PMM2: variants seen among roughly 807,000 people sequenced by gnomAD.
PMM2 encodes the protein phosphomannomutase 2, also known as mannose-6-phosphate isomerase.
PMM2 carries 35 observed loss-of-function variants against 33.2 expected under a neutral mutation model. The ratio of observed to expected loss-of-function variants is 1.06; its 90% CI spans 0.81 to 1.40. The LOEUF (loss-of-function observed/expected upper bound fraction) is 1.40. Among genes scored for constraint, PMM2 ranks in the 40% most tolerant of loss-of-function variants. PMM2 has a pLI of 0.00. For missense variants in PMM2, 386 were observed against 306.0 expected, an observed-to-expected ratio of 1.26 and a Z score of -1.95; for synonymous variants, 153 against 114.7, an observed-to-expected ratio of 1.33 and a Z score of -2.13.
chr16:8,810,879 T>C, intron 4 of PMM2, 200 bp from the exon 5 acceptor site: 1 of 605,702 alleles, frequency 1.7e-6, no homozygotes, highest in Non-Finnish European at 2.9e-6. Context: ...TCAAATCTAA[T>C]CTCAATTCAT....
At chr16:8,819,451 G>A (rs1529915) in intron 7 of PMM2, among the ~76,000 whole-genome samples, 60,767 of 152,034 alleles carry the variant, frequency 0.4, 12,476 homozygotes, top group Non-Finnish European at 0.46. Context: ...GGGGAGGACA[G>A]GAGAGAGAAT....
intron 7 of PMM2, among the ~76,000 whole-genome samples, chr16:8,826,487 C>A (rs181053360): frequency 6.6e-6 from 1 of 152,156 alleles, no homozygotes; most frequent in African/African-American, 2.4e-5. Context: ...TGAACAATTA[C>A]AAAAGTCACA....
At chr16:8,799,728 A>G (rs1341626308) in intron 1 of PMM2, among the ~76,000 whole-genome samples, 1 of 152,064 alleles carries the variant, frequency 6.6e-6, no homozygotes, top group African/African-American at 2.4e-5. Context: ...TTGTATTTTT[A>G]GTAGAGATGG....
chr16:8,820,129 G>A (rs929659071), intron 7 of PMM2, among the ~76,000 whole-genome samples: 17 of 152,162 alleles, frequency 1.1e-4, no homozygotes, highest in East Asian at 3.9e-4. Flanking sequence ...CCCGGGAGGC[G>A]GAGGTTGCAG....
At position 8,848,055 on chromosome 16, in the gene PMM2, C is replaced by G. The variant is rs781738334; in HGVS notation, c.*230C>G. The G allele has an allele frequency of 7.3e-6, 4 of 544,618 alleles. No homozygotes were observed. The highest frequency in any genetic ancestry group is 3.8e-5 in the African/African-American group (2 of 52,816). 33.7% of individuals were successfully genotyped at this position (544,618 alleles called of 1,614,324 possible). ...CAGAGGAATGCCTCGCACAAAAGGT[C>G]TTCCCCACCCACCCCCAGCCCCCTA... On this transcript the variant is annotated 3_prime_UTR_variant, in exon 8 of 8. Transcript: ENST00000268261.
chr16:8,814,762 C>T (rs572156870), intron 7 of PMM2, among the ~76,000 whole-genome samples: 3 of 152,300 alleles, frequency 2.0e-5, no homozygotes, highest in Non-Finnish European at 2.9e-5. Flanking sequence ...CTCACAGTTT[C>T]GTGAGTTTAA....
chr16:8,803,328 C>A (rs188738080), intron 2 of PMM2, among the ~76,000 whole-genome samples: 2 of 152,286 alleles, frequency 1.3e-5, no homozygotes, highest in East Asian at 3.9e-4. Flanking sequence ...CTGGGGATCA[C>A]GAAGCCCTGA....
chr16:8,816,008 C>T (rs1344720619), intron 7 of PMM2, among the ~76,000 whole-genome samples: 1 of 151,836 alleles, frequency 6.6e-6, no homozygotes, highest in Non-Finnish European at 1.5e-5. Context: ...ATAGACAGTT[C>T]TCCAAAGAAG....
At chr16:8,844,316 C>G (rs556200114) in intron 7 of PMM2, among the ~76,000 whole-genome samples, 2 of 151,110 alleles carry the variant, frequency 1.3e-5, no homozygotes, top group Admixed American at 6.6e-5. Context: ...GAAAAGAGAG[C>G]GTAGAGACAT....
At chr16:8,839,700 G>C (rs2060876406) in intron 7 of PMM2, among the ~76,000 whole-genome samples, 1 of 151,856 alleles carries the variant, frequency 6.6e-6, no homozygotes, top group Non-Finnish European at 1.5e-5. Flanking sequence ...GAGCTGGAAG[G>C]CTCCCATTGT....
chr16:8,838,775 G>C (rs1447831586), intron 7 of PMM2, among the ~76,000 whole-genome samples: 1 of 152,090 alleles, frequency 6.6e-6, no homozygotes, highest in Non-Finnish European at 1.5e-5. Context: ...GAGTGCGTAA[G>C]GGGGTTCAGC....
chr16:8,811,270 C>G (rs1041042516), intron 5 of PMM2, 92 bp downstream of exon 5: 2 of 876,692 alleles, frequency 2.3e-6, no homozygotes, highest in African/African-American at 1.7e-5. Flanking sequence ...AATCCCAACA[C>G]TTTGGGAGGC....
chr16:8,827,930 AATATATATTTATAAAT>A (rs2060786610), intron 7 of PMM2, among the ~76,000 whole-genome samples: 3 of 53,456 alleles, frequency 5.6e-5, no homozygotes, highest in East Asian at 8.9e-4. Flanking sequence ...TTTTATATAT[AATATATATTTATAAAT>A]ATATATATTT....
rs535792400 is a variant in PMM2, at chr16:8,841,320, T to C, written c.640-6404T>C. 2.9e-3 allele frequency among the ~76,000 whole-genome samples: 446 copies of C among 151,326 alleles called. 1 individual carries two copies. Among genetic ancestry groups the C allele is most frequent in the Non-Finnish European group, 5.1e-3 (345 of 67,834 alleles). Reference sequence around the variant, plus strand: ...ATTATGTCTGACAGAAGGGAAGAAATGACTGCGGTGGCCTTCTCAGACCCT... The same window carrying C: ...ATTATGTCTGACAGAAGGGAAGAAACGACTGCGGTGGCCTTCTCAGACCCT... On this transcript the variant is annotated intron_variant, in intron 7 of 7. Transcript: ENST00000268261.
At chr16:8,805,285 C>T (rs1021488454) in intron 3 of PMM2, among the ~76,000 whole-genome samples, 1 of 152,190 alleles carries the variant, frequency 6.6e-6, no homozygotes, top group African/African-American at 2.4e-5. Context: ...CCAGGCTGAT[C>T]TCTAACCCCT....
At chr16:8,814,327 C>G (rs2141025167) in intron 7 of PMM2, among the ~76,000 whole-genome samples, 1 of 152,306 alleles carries the variant, frequency 6.6e-6, no homozygotes, top group South Asian at 2.1e-4. Flanking sequence ...CTCTGCCTCC[C>G]TCCCACATGC....
rs368582085 is a variant in PMM2 at position 8,811,090 on chromosome 16, T to C, written c.359T>C (p.Ile120Thr). ...CCTTTCATTCCCAGGGGTACTTTCA[T>C]TGAATTCCGAAATGGGATGTTAAAC... The part of the protein sequence containing the change: ...IKLPKKRGTF[I>T]EFRNGMLNVS... Residue 120 changes from isoleucine (I) to threonine (T), a missense_variant, in exon 5 of 8, where the codon ATT becomes ACT. Transcript: ENST00000268261. 69 of 1,564,434 alleles carry C rather than the reference T, an allele frequency of 4.4e-5. No individual in the cohort carries two copies. Among genetic ancestry groups the C allele is most frequent in the Admixed American group, 1.8e-4 (10 of 54,748 alleles).
chr16:8,816,301 T>C (rs1201610318), intron 7 of PMM2, among the ~76,000 whole-genome samples: 1 of 151,720 alleles, frequency 6.6e-6, no homozygotes, highest in African/African-American at 2.4e-5. Context: ...TAATTTTGTA[T>C]TTTTAGTAGA....
At chr16:8,830,844 A>G (rs1286932826) in intron 7 of PMM2, among the ~76,000 whole-genome samples, 1 of 152,218 alleles carries the variant, frequency 6.6e-6, no homozygotes, top group Non-Finnish European at 1.5e-5. Context: ...CTTTGTTTCA[A>G]AGTTGAACTA....
Sources: allele counts gnomAD v4.1 joint callset (sites outside exome capture counted in the v4.1 genomes callset), GRCh38; gene constraint gnomAD v4.1.1; transcripts MANE v1.5; gene names NCBI Gene and HGNC (gene_info 2026-07-23, HGNC 2026-07-21).